BPIFA3: variants seen among roughly 807,000 people sequenced by gnomAD.
BPIFA3 encodes BPI fold-containing family A member 3.
A neutral mutation model predicts 29.7 loss-of-function variants in BPIFA3; 32 were observed. That is an observed-to-expected ratio of 1.08 (90% CI 0.81 to 1.45). The LOEUF (loss-of-function observed/expected upper bound fraction) is 1.45, where lower values mean the gene tolerates loss of function less well. Among genes scored for constraint, BPIFA3 ranks in the 40% most tolerant of loss-of-function variants. BPIFA3 has a pLI of 0.00. For synonymous variants in BPIFA3, 112 were observed against 113.7 expected, an observed-to-expected ratio of 0.98 and a Z score of 0.10; for missense variants, 323 against 311.3, an observed-to-expected ratio of 1.04 and a Z score of -0.28.
rs188494338 is a variant in BPIFA3, at chr20:33,227,517, C to T, written c.686-21C>T. On this transcript the variant is annotated intron_variant, in intron 6 of 6. Transcript: ENST00000375454. Reference sequence around the variant, plus strand: ...GGGAGGTGGGCACACTGGTGACAGACGCTACCTCTTCTCCTTACAGAACAG... The same window carrying T: ...GGGAGGTGGGCACACTGGTGACAGATGCTACCTCTTCTCCTTACAGAACAG... The T allele has an allele frequency of 4.2e-4, 668 of 1,602,278 alleles. 4 individuals are homozygous for T. The African/African-American group carries it at 7.0e-3, about 17-fold the overall frequency.
chr20:33,219,599 G>A (rs553285543), intron 1 of BPIFA3, among the ~76,000 whole-genome samples: 7 of 152,152 alleles, frequency 4.6e-5, no homozygotes, highest in East Asian at 1.9e-4. Flanking sequence ...ATTCAGCTTC[G>A]CTTCTCTCCA....
intron 1 of BPIFA3, 130 bp downstream of exon 1, chr20:33,217,793 C>A (rs116985684): frequency 4.2e-6 from 5 of 1,185,526 alleles, no homozygotes; most frequent in Non-Finnish European, 5.7e-6. Context: ...TTTTCTTAGA[C>A]CTCAAGTACA....
At chr20:33,226,561 AT>A in intron 5 of BPIFA3, 71 bp downstream of exon 5, 1 of 979,370 alleles carries the variant, frequency 1.0e-6, no homozygotes, top group Non-Finnish European at 1.6e-6. Context: ...TCCACTGGCA[AT>A]TTAGCAAAGG....
At position 33,217,542 on chromosome 20, in the gene BPIFA3, G is replaced by T; in HGVS notation, c.6G>T (p.Met2Ile). 6.2e-7 allele frequency: 1 copy of T among 1,614,048 alleles called. No individual in the cohort carries two copies. The highest frequency in any genetic ancestry group is 8.5e-7 in the Non-Finnish European group (1 of 1,179,964). Residue 2 changes from methionine to isoleucine, a missense_variant, in exon 1 of 7, where the codon ATG (methionine) becomes ATT (isoleucine). By Grantham distance (10) the Met-to-Ile change is conservative (BLOSUM62 1). Transcript: ENST00000375454. Reference protein sequence around the residue: MMCPLWRLLIFL... With the variant: MICPLWRLLIFL... ...ATCTGCAGGTCCCAGACCCTATGAT[G>T]TGTCCACTCTGGAGGCTCCTCATCT... is the stretch of plus-strand genomic sequence containing the variant.
At chr20:33,218,597 C>T (rs574997683) in intron 1 of BPIFA3, among the ~76,000 whole-genome samples, 4 of 152,242 alleles carry the variant, frequency 2.6e-5, no homozygotes, top group African/African-American at 9.6e-5. Context: ...GACACCTTCT[C>T]GATGTCTCCA....
At chr20:33,225,411 C>A (rs1985738984) in intron 4 of BPIFA3, 164 bp downstream of exon 4, 1 of 959,430 alleles carries the variant, frequency 1.0e-6, no homozygotes, top group East Asian at 2.7e-5. Flanking sequence ...ACCCTACCAC[C>A]CTCCCAGAAG....
intron 1 of BPIFA3, 95 bp from the exon 2 acceptor site, chr20:33,223,716 A>G: frequency 7.1e-7 from 1 of 1,405,706 alleles, no homozygotes; most frequent in Non-Finnish European, 9.8e-7. Context: ...AAGCAATCAG[A>G]TCTTGCACCA....
intron 1 of BPIFA3, among the ~76,000 whole-genome samples, chr20:33,222,693 C>A (rs1022155609): frequency 2.0e-5 from 3 of 148,860 alleles, no homozygotes; most frequent in Admixed American, 6.7e-5. Context: ...GATGGATGAG[C>A]GGATGAATGG....
rs6057771 is a variant in BPIFA3, at chr20:33,225,094, G to A, written c.387-4G>A. ...CCTTCCTCCTCTTCCTCTCTCATCT[G>A]CAGGTCCTTCGATAACAACATCGTA... On this transcript the variant is annotated splice_region_variant and splice_polypyrimidine_tract_variant and intron_variant, in intron 3 of 6. Coordinates refer to ENST00000375454, the MANE Select transcript of BPIFA3 (RefSeq NM_178466.5). The A allele has an allele frequency of 0.014, 23,193 of 1,613,604 alleles. 2,828 individuals carry two copies. The African/African-American group carries it at 0.27, about 19-fold the overall frequency.
At chr20:33,218,699 C>G (rs1293421839) in intron 1 of BPIFA3, among the ~76,000 whole-genome samples, 1 of 152,132 alleles carries the variant, frequency 6.6e-6, no homozygotes, top group Non-Finnish European at 1.5e-5. Flanking sequence ...CCCTAATGAC[C>G]TCGTTTAACC....
In BPIFA3 at chr20:33,217,519, C is replaced by T; in HGVS notation, c.-18C>T. On this transcript the variant is annotated 5_prime_UTR_variant, in exon 1 of 7. Coordinates refer to ENST00000375454, the MANE Select transcript of BPIFA3 (RefSeq NM_178466.5). The stretch of plus-strand genomic sequence containing the variant: ...AGGCCCCATCTGACACTCTTGACAT[C>T]TGCAGGTCCCAGACCCTATGATGTG... The T allele has an allele frequency of 1.2e-6, 2 of 1,612,258 alleles. No homozygotes were observed. The highest frequency in any genetic ancestry group is 1.7e-6 in the Non-Finnish European group (2 of 1,179,272).
rs182773075 is a variant in BPIFA3 at position 33,223,079 on chromosome 20, C to G, written c.128-732C>G. ...GAATCAAGATCTGCTACTCCAGACA[C>G]ATTCTTGTTTGTAAGCGACAGAAAC... On this transcript the variant is annotated intron_variant, in intron 1 of 6. Coordinates refer to ENST00000375454, the MANE Select transcript of BPIFA3 (RefSeq NM_178466.5). Among the ~76,000 whole-genome samples, 757 of 152,282 alleles carry G rather than the reference C, an allele frequency of 5.0e-3. 7 individuals carry two copies. The highest frequency in any genetic ancestry group is 9.5e-3 in the Admixed American group (145 of 15,300).
chr20:33,227,066 G>A (rs1985818627), intron 6 of BPIFA3, 73 bp downstream of exon 6: 2 of 1,407,728 alleles, frequency 1.4e-6, no homozygotes, highest in Admixed American at 3.4e-5. Flanking sequence ...CCCGGCCCTG[G>A]AGCCCCCAGG....
chr20:33,218,091 C>G (rs1426109788), intron 1 of BPIFA3, among the ~76,000 whole-genome samples: 1 of 152,212 alleles, frequency 6.6e-6, no homozygotes, highest in Admixed American at 6.5e-5. Context: ...CTGTTGACAT[C>G]TATGTTGCTT....
In BPIFA3 at chr20:33,217,619, G is replaced by T. The variant is rs749556120; in HGVS notation, c.83G>T (p.Gly28Val). 1 of 1,614,066 alleles carries T rather than the reference G, an allele frequency of 6.2e-7. No individual in the cohort carries two copies. The highest frequency in any genetic ancestry group is 1.1e-5 in the South Asian group (1 of 91,056). Residue 28 changes from glycine (G) to valine (V), a missense_variant, in exon 1 of 7, where the codon GGC (glycine) becomes GTC (valine). Transcript: ENST00000375454. ...GCACCACACAAGCAGCCTTGGCCTG[G>T]CCTGGCCCAAGCCCACAGAGACAAC... Reference protein sequence around the residue: ...PLAPHKQPWPGLAQAHRDNKS... With the variant: ...PLAPHKQPWPVLAQAHRDNKS...
chr20:33,217,695 T>C lies in BPIFA3; in HGVS notation c.127+32T>C. 1.2e-6 allele frequency: 2 copies of C among 1,601,584 alleles called. 1 individual carries two copies. Among genetic ancestry groups the C allele is most frequent in the South Asian group, 2.2e-5 (2 of 89,338 alleles). ...TAAGCCCCGGGCTCTGCCTGCTGCC[T>C]ACGGGGCTGGGGAGGTGGGAAGGTG... On this transcript the variant is annotated intron_variant, in intron 1 of 6. Coordinates refer to ENST00000375454, the MANE Select transcript of BPIFA3 (RefSeq NM_178466.5).
Position 33,227,584 on chromosome 20 carries a change from C to A in BPIFA3, c.732C>A (p.Pro244=), listed in dbSNP as rs745723283. 6.2e-7 allele frequency: 1 copy of A among 1,614,128 alleles called. No homozygotes were observed. The highest frequency in any genetic ancestry group is 8.5e-7 in the Non-Finnish European group (1 of 1,180,000). Residue 244 remains proline (P), a synonymous_variant, in exon 7 of 7, where the codon CCC becomes CCA. Transcript: ENST00000375454. The part of the protein sequence containing the change: ...HEPTHHETSQ[P]SACQAGESPS The stretch of plus-strand genomic sequence containing the variant: ...CAACCCACCATGAAACCAGCCAACC[C>A]TCTGCATGCCAGGCTGGAGAGTCCC...
At chr20:33,220,217 T>C (rs1270971789) in intron 1 of BPIFA3, among the ~76,000 whole-genome samples, 5 of 150,942 alleles carry the variant, frequency 3.3e-5, no homozygotes. Flanking sequence ...GCTAACACGG[T>C]GAAATCCCAT....
At position 33,217,496 on chromosome 20, in the gene BPIFA3, G is replaced by T. The variant is rs1175216549; in HGVS notation, c.-41G>T. 6.2e-7 allele frequency: 1 copy of T among 1,606,648 alleles called. No homozygotes were observed. Among genetic ancestry groups the T allele is most frequent in the Non-Finnish European group, 8.5e-7 (1 of 1,177,148 alleles). On this transcript the variant is annotated 5_prime_UTR_variant, in exon 1 of 7. Coordinates refer to ENST00000375454, the MANE Select transcript of BPIFA3 (RefSeq NM_178466.5). ...GCCACCCTCAAAGCCGTCTGCCCAG[G>T]CCCCATCTGACACTCTTGACATCTG...
Sources: gnomAD v4.1 joint callset for allele counts (sites outside exome capture counted in the v4.1 genomes callset) on GRCh38, gnomAD v4.1.1 for gene constraint, MANE v1.5 for transcripts, NCBI Gene and HGNC (gene_info 2026-07-23, HGNC 2026-07-21) for gene names.